Variants in SOX30 observed in about 807,000 individuals in gnomAD.
SOX30 encodes transcription factor SOX-30.
In SOX30, 17 loss-of-function variants were observed where a neutral mutation model predicts 58.6. The ratio of observed to expected loss-of-function variants is 0.29; its 90% CI spans 0.20 to 0.44. The LOEUF is 0.44. SOX30 is among the 20% of genes least tolerant of loss of function. The pLI is 1.00. For missense variants in SOX30, 951 were observed against 965.8 expected (o/e 0.98, Z 0.20); for synonymous variants, 421 against 400.2 (o/e 1.05, Z -0.62).
intron 4 of SOX30, among the ~76,000 whole-genome samples, chr5:157,634,312 C>A (rs1349916933): frequency 6.6e-6 from 1 of 152,122 alleles, no homozygotes; most frequent in Admixed American, 6.5e-5. Context: ...CTCCCAGGCT[C>A]AAGTGATCCT....
intron 1 of SOX30, among the ~76,000 whole-genome samples, chr5:157,669,486 T>TTTTC (rs368001314): frequency 7.3e-6 from 1 of 136,648 alleles, no homozygotes; most frequent in Non-Finnish European, 1.6e-5. Flanking sequence ...CGCCCATCAA[T>TTTTC]TTTATTTATT....
At chr5:157,645,888 T>C (rs550615244) in intron 3 of SOX30, among the ~76,000 whole-genome samples, 12 of 151,964 alleles carry the variant, frequency 7.9e-5, no homozygotes, top group South Asian at 2.1e-4. Context: ...GGTGTGATGG[T>C]GCATCCCTGT....
chr5:157,638,202 G>T (rs761665077), intron 4 of SOX30, 28 bp downstream of exon 4: 3 of 1,506,388 alleles, frequency 2.0e-6, no homozygotes, highest in African/African-American at 2.8e-5. Context: ...TGAATGTTTA[G>T]GTAAAAGGAA....
At chr5:157,655,486 T>G (rs1759453906), upstream of SOX30, among the ~76,000 whole-genome samples, 1 of 152,218 alleles carries the variant, frequency 6.6e-6, no homozygotes, top group African/African-American at 2.4e-5. Context: ...TTAACTTCTA[T>G]TCTCCTTGGA....
chr5:157,643,834 T>C (rs1759127627), intron 3 of SOX30, among the ~76,000 whole-genome samples: 2 of 152,192 alleles, frequency 1.3e-5, no homozygotes, highest in Admixed American at 6.5e-5. Flanking sequence ...CAACTGTATA[T>C]GACAAGATAT....
At position 157,651,753 on chromosome 5, in the gene SOX30, A is replaced by C; in HGVS notation, c.326T>G (p.Leu109Arg). 6.4e-7 allele frequency: 1 copy of C among 1,557,198 alleles called. No homozygotes were observed. Among genetic ancestry groups the C allele is most frequent in the Non-Finnish European group, 8.7e-7 (1 of 1,154,082 alleles). Residue 109 changes from leucine to arginine, a missense_variant, in exon 1 of 5, where the codon CTC becomes CGC. Transcript: ENST00000265007. ...RLLQFRPDLR[L>R]LQPPTASDGA... is the part of the protein sequence containing the mutation. The stretch of plus-strand genomic sequence containing the variant: ...GTCTGACGCTGTCGGCGGCTGCAGG[A>C]GCCGCAGGTCGGGCCTGAACTGCAA...
At chr5:157,628,854 TG>T (rs1479821291) in intron 4 of SOX30, among the ~76,000 whole-genome samples, 1 of 152,122 alleles carries the variant, frequency 6.6e-6, no homozygotes, top group African/African-American at 2.4e-5. Flanking sequence ...TTGGCCAGTC[TG>T]GTCTCGAAAT....
chr5:157,638,604 T>C lies in SOX30; in HGVS notation c.1506A>G (p.Leu502=). Residue 502 remains leucine, a synonymous_variant, in exon 4 of 5, where the codon CTA becomes CTG. Transcript: ENST00000265007. ...AAQVAVQDPS[L]PVYPALPPQR... ...GGGGTGGGAGTGCTGGATAGACAGG[T>C]AGACTTGGATCCTGGACAGCCACCT... The C allele has an allele frequency of 1.2e-6, 2 of 1,613,980 alleles. No homozygotes were observed. The highest frequency in any genetic ancestry group is 1.7e-6 in the Non-Finnish European group (2 of 1,179,966).
At chr5:157,649,549 G>A (rs1759276837) in intron 1 of SOX30, among the ~76,000 whole-genome samples, 1 of 152,162 alleles carries the variant, frequency 6.6e-6, no homozygotes, top group Admixed American at 6.5e-5. Flanking sequence ...CAGCACTTTG[G>A]GAGGCCAAGG....
chr5:157,647,735 T>G (rs183211560), intron 2 of SOX30, among the ~76,000 whole-genome samples: 3 of 151,692 alleles, frequency 2.0e-5, no homozygotes, highest in Non-Finnish European at 4.4e-5. Context: ...TTTTATTTTT[T>G]TTTTTAGTAG....
chr5:157,648,783 C>T lies in SOX30; in HGVS notation c.1081G>A (p.Ala361Thr), dbSNP rs1363045687. ...ACACTGATTTCTGCATTGTTGGCTG[C>T]TGGGTTAGCTTTGGCTAGTGCTGGT... Reference protein sequence around the residue: ...HRPALAKANPAANNAEISVQL... With the variant: ...HRPALAKANPTANNAEISVQL... Residue 361 changes from alanine (A) to threonine (T), a missense_variant, in exon 2 of 5, where the codon GCA becomes ACA. By Grantham distance (58) the Ala-to-Thr change is moderately conservative (BLOSUM62 0). Around this residue, in one of 7 missense-constraint regions of SOX30, gnomAD observed 57 missense variants for 104.0 expected, o/e 0.55. Transcript: ENST00000265007. 24 of 1,613,322 alleles carry T rather than the reference C, an allele frequency of 1.5e-5. No homozygotes were observed. Among genetic ancestry groups the T allele is most frequent in the Non-Finnish European group, 1.9e-5 (23 of 1,179,982 alleles).
intron 1 of SOX30, 38 bp downstream of exon 1, chr5:157,651,074 C>T: frequency 1.4e-6 from 2 of 1,427,212 alleles, no homozygotes; most frequent in Non-Finnish European, 1.9e-6. Context: ...GCAACACAGA[C>T]GCAGTTTTGA....
At chr5:157,667,043 C>A (rs1290516060) in intron 2 of SOX30, among the ~76,000 whole-genome samples, 2 of 152,140 alleles carry the variant, frequency 1.3e-5, no homozygotes, top group Admixed American at 1.3e-4. Context: ...GACTCCAACC[C>A]AGGTGTCTCT....
At chr5:157,667,511 A>C (rs1360702208) in intron 2 of SOX30, among the ~76,000 whole-genome samples, 2 of 152,100 alleles carry the variant, frequency 1.3e-5, no homozygotes, top group Non-Finnish European at 2.9e-5. Context: ...GGCGGACGGA[A>C]TCACCTGCGG....
intron 1 of SOX30, among the ~76,000 whole-genome samples, chr5:157,668,574 A>G (rs1192652861): frequency 1.3e-5 from 2 of 152,130 alleles, no homozygotes; most frequent in African/African-American, 2.4e-5. Flanking sequence ...CCATCCGTCC[A>G]TCCATCCATC....
chr5:157,632,716 G>A (rs1270001897), intron 4 of SOX30, among the ~76,000 whole-genome samples: 1 of 152,192 alleles, frequency 6.6e-6, no homozygotes, highest in East Asian at 1.9e-4. Flanking sequence ...ATCACATAGA[G>A]CCCTGAGTAA....
intron 4 of SOX30, 123 bp downstream of exon 4, chr5:157,638,107 A>T: frequency 1.0e-6 from 1 of 974,700 alleles, no homozygotes; most frequent in Non-Finnish European, 1.5e-6. Context: ...CTTGGCTCCT[A>T]GTCAGCAGAA....
Position 157,664,670 on chromosome 5 carries a change from C to T in SOX30, c.52+3128G>A, listed in dbSNP as rs139391468. ...ACCATCAGAGTGAACAGGCAACCTA[C>T]GGAATGGGAGAAAATGTTTGCAATC... is the stretch of plus-strand genomic sequence containing the variant. On this transcript the variant is annotated intron_variant, in intron 2 of 5. Coordinates refer to the SOX30 transcript ENST00000519442. Among the ~76,000 whole-genome samples, 1,160 of 152,244 alleles carry T rather than the reference C, an allele frequency of 7.6e-3. 12 individuals are homozygous for T. The highest frequency in any genetic ancestry group is 0.034 in the Middle Eastern group (10 of 294).
At chr5:157,668,651 G>C (rs1759712929) in intron 1 of SOX30, among the ~76,000 whole-genome samples, 1 of 152,106 alleles carries the variant, frequency 6.6e-6, no homozygotes, top group Admixed American at 6.6e-5. Context: ...TGGAAGAATG[G>C]GTTTTCTTCT....
Sources: gnomAD v4.1 joint callset for allele counts (sites outside exome capture counted in the v4.1 genomes callset) on GRCh38, gnomAD v4.1.1 for gene constraint, gnomAD v4.1.1 regional missense constraint, MANE v1.5 for transcripts, NCBI Gene and HGNC (gene_info 2026-07-23, HGNC 2026-07-21) for gene names.